Variants in GRID2 observed in about 807,000 individuals in gnomAD.
GRID2 encodes the protein glutamate receptor ionotropic, delta-2.
Under a neutral mutation model 114.8 loss-of-function variants are expected in GRID2, and 33 were observed. The ratio of observed to expected loss-of-function variants is 0.29; its 90% confidence interval spans 0.22 to 0.38. The LOEUF (loss-of-function observed/expected upper bound fraction) is 0.38, where lower values mean the gene tolerates loss of function less well. GRID2 is among the 10% of genes least tolerant of loss of function. The pLI, the probability that GRID2 is intolerant of heterozygous loss-of-function variation, is 1.00. For missense variants in GRID2, 1,184 were observed against 1,257.7 expected (o/e 0.94, Z 0.89); for synonymous variants, 505 against 449.9 (o/e 1.12, Z -1.55).
intron 2 of GRID2, among the ~76,000 whole-genome samples, chr4:92,625,160 G>T (rs62307915): frequency 0.056 from 8,435 of 151,656 alleles, 303 homozygotes; most frequent in East Asian, 0.16. Flanking sequence ...ATTCCTGAGA[G>T]CTTACATTAT....
intron 1 of GRID2, among the ~76,000 whole-genome samples, chr4:92,543,473 C>G (rs1245823542): frequency 6.6e-6 from 1 of 152,096 alleles, no homozygotes; most frequent in African/African-American, 2.4e-5. Context: ...TTATAATATG[C>G]ACATCCTATT....
At chr4:93,316,996 G>A (rs187415296) in intron 8 of GRID2, among the ~76,000 whole-genome samples, 4 of 152,046 alleles carry the variant, frequency 2.6e-5, no homozygotes, top group Admixed American at 6.6e-5. Context: ...AAGGGATTTA[G>A]GTATGAGAAG....
At position 93,517,516 on chromosome 4, in the gene GRID2, A is replaced by G. The variant is rs114648484; in HGVS notation, c.2193+2105A>G. Among the ~76,000 whole-genome samples the G allele has an allele frequency of 5.2e-3, 788 of 152,136 alleles. 9 individuals are homozygous for G. The highest frequency in any genetic ancestry group is 0.018 in the African/African-American group (759 of 41,550). On this transcript the variant is annotated intron_variant, in intron 13 of 15. Transcript: ENST00000282020. ...TCTAAGTGAAATTTGTTTGTACTAT[A>G]TATTTCTTTCAACCCAAATTAGAAA...
At chr4:92,567,191 T>C (rs1727378339) in intron 1 of GRID2, among the ~76,000 whole-genome samples, 1 of 152,048 alleles carries the variant, frequency 6.6e-6, no homozygotes. Flanking sequence ...TAACCTCCAG[T>C]TGACATTAGC....
Position 92,472,058 on chromosome 4 carries a change from C to T in GRID2, c.89-118073C>T, listed in dbSNP as rs1301421229. Among the ~76,000 whole-genome samples the T allele has an allele frequency of 1.7e-5, 2 of 114,860 alleles. 1 individual carries two copies. The highest frequency in any genetic ancestry group is 3.6e-5 in the Non-Finnish European group (2 of 55,484). 75.4% of individuals were successfully genotyped at this position (114,860 alleles called of 152,430 possible). A position where few individuals can be genotyped will look rare whatever the true frequency, so the allele number is the denominator to read the frequency against. ...ACGCCATTCTCCTGCCTCGGCCTCCCGAGTAGCTGGGACTACAGGCGCCCG... is the reference window on the plus strand; with the variant it reads ...ACGCCATTCTCCTGCCTCGGCCTCCTGAGTAGCTGGGACTACAGGCGCCCG... On this transcript the variant is annotated intron_variant, in intron 1 of 15. Transcript: ENST00000282020.
rs765781836 is a variant in GRID2, at chr4:92,579,245, A to C, written c.89-10886A>C. On this transcript the variant is annotated intron_variant, in intron 1 of 15. Coordinates refer to ENST00000282020, the MANE Select transcript of GRID2 (RefSeq NM_001510.4). ...AAACATTCTTGCTGGACATATTTTG[A>C]CTTTTAGATAATTTTTCAATATGTG... 4.6e-4 allele frequency among the ~76,000 whole-genome samples: 70 copies of C among 152,114 alleles called. 1 individual carries two copies. The highest frequency in any genetic ancestry group is 6.8e-4 in the Non-Finnish European group (46 of 67,954).
intron 8 of GRID2, among the ~76,000 whole-genome samples, chr4:93,388,702 A>G (rs954762651): frequency 1.3e-5 from 2 of 152,236 alleles, no homozygotes; most frequent in African/African-American, 4.8e-5. Context: ...CTCAGAATTT[A>G]TGTTTGCAAA....
chr4:92,506,155 T>C (rs2149127594), intron 1 of GRID2, among the ~76,000 whole-genome samples: 1 of 152,100 alleles, frequency 6.6e-6, no homozygotes, highest in East Asian at 1.9e-4. Flanking sequence ...TAGAAGTACA[T>C]GTGGCCAAGA....
In GRID2 at chr4:92,662,123, C is replaced by T. The variant is rs180782447; in HGVS notation, c.244+71837C>T. Among the ~76,000 whole-genome samples, 30 of 151,132 alleles carry T rather than the reference C, an allele frequency of 2.0e-4. No homozygotes were observed. The East Asian group carries it at 5.6e-3, about 28-fold the overall frequency. ...GCCCTTCTCATCCTCACACAGGTTT[C>T]CTTTCTGTGTATGAAAAAGTAAATC... On this transcript the variant is annotated intron_variant, in intron 2 of 15. Transcript: ENST00000282020.
Position 93,243,836 on chromosome 4 carries a change from T to G in GRID2, c.1245+5346T>G, listed in dbSNP as rs530637693. 1.1e-3 allele frequency among the ~76,000 whole-genome samples: 164 copies of G among 152,110 alleles called. 1 individual carries two copies. Among genetic ancestry groups the G allele is most frequent in the Non-Finnish European group, 1.7e-3 (115 of 67,994 alleles). On this transcript the variant is annotated intron_variant, in intron 8 of 15. Coordinates refer to ENST00000282020, the MANE Select transcript of GRID2 (RefSeq NM_001510.4). ...ATTTAGCAGATGGTATATCAACATG[T>G]TAGCACATTGTATATACCCTTGAAG...
downstream of GRID2, among the ~76,000 whole-genome samples, chr4:93,776,112 G>C (rs982453783): frequency 5.9e-5 from 9 of 152,092 alleles, no homozygotes; most frequent in African/African-American, 1.9e-4. Context: ...GTAAACATAG[G>C]TTTTATCCTT....
intron 13 of GRID2, among the ~76,000 whole-genome samples, chr4:93,605,378 A>G (rs1740126910): frequency 6.6e-6 from 1 of 152,204 alleles, no homozygotes; most frequent in Admixed American, 6.5e-5. Flanking sequence ...GTGCTGAGTC[A>G]TACCTACACT....
At chr4:92,595,515 T>C (rs1340279112) in intron 2 of GRID2, among the ~76,000 whole-genome samples, 1 of 152,044 alleles carries the variant, frequency 6.6e-6, no homozygotes, top group African/African-American at 2.4e-5. Context: ...GACTACTTCT[T>C]TGCATATCTT....
At chr4:93,776,787 G>A (rs986541858), downstream of GRID2, among the ~76,000 whole-genome samples, 6 of 152,152 alleles carry the variant, frequency 3.9e-5, no homozygotes, top group East Asian at 1.2e-3. Context: ...ATTCCTATAA[G>A]CCACAGAAAA....
intron 1 of GRID2, among the ~76,000 whole-genome samples, chr4:92,565,384 C>A (rs934472657): frequency 1.3e-5 from 2 of 151,872 alleles, no homozygotes; most frequent in Non-Finnish European, 2.9e-5. Flanking sequence ...CATATGCTTG[C>A]TAAGAGCTAG....
intron 2 of GRID2, among the ~76,000 whole-genome samples, chr4:92,964,841 A>C (rs1032007429): frequency 2.0e-5 from 3 of 152,020 alleles, no homozygotes; most frequent in African/African-American, 7.2e-5. Flanking sequence ...TGATCTATTC[A>C]GACCACTGAA....
chr4:92,645,467 T>C (rs1451264490), intron 2 of GRID2, among the ~76,000 whole-genome samples: 3 of 151,842 alleles, frequency 2.0e-5, no homozygotes, highest in Non-Finnish European at 4.4e-5. Context: ...AAGAACTGGT[T>C]TGTCTCTCAA....
chr4:92,357,158 C>T (rs1241824735), intron 1 of GRID2, among the ~76,000 whole-genome samples: 1 of 151,718 alleles, frequency 6.6e-6, no homozygotes, highest in African/African-American at 2.4e-5. Context: ...AAAAAAATGC[C>T]TTTCTGCTAA....
chr4:93,636,732 G>A (rs1399373690), intron 14 of GRID2, among the ~76,000 whole-genome samples: 2 of 152,114 alleles, frequency 1.3e-5, no homozygotes, highest in Non-Finnish European at 2.9e-5. Flanking sequence ...TAATAATTAT[G>A]TCTATAGAGG....
Sources: allele counts gnomAD v4.1 joint callset (sites outside exome capture counted in the v4.1 genomes callset), GRCh38; gene constraint gnomAD v4.1.1; transcripts MANE v1.5; gene names NCBI Gene and HGNC (gene_info 2026-07-23, HGNC 2026-07-21).